Variants in NAALADL2 observed in about 807,000 individuals in gnomAD.
The protein encoded by NAALADL2 is inactive N-acetylated-alpha-linked acidic dipeptidase-like protein 2.
Under a neutral mutation model 87.2 loss-of-function variants are expected in NAALADL2, and 76 were observed. The ratio of observed to expected loss-of-function variants is 0.87; its 90% CI spans 0.72 to 1.05. The LOEUF (loss-of-function observed/expected upper bound fraction) is 1.05, where lower values mean the gene tolerates loss of function less well. Among genes scored for constraint, NAALADL2 ranks in the 50% least tolerant of loss-of-function variants. The pLI, the probability that NAALADL2 is intolerant of heterozygous loss-of-function variation, is 0.00. For missense variants in NAALADL2, 1,089 were observed against 945.8 expected, an observed-to-expected ratio of 1.15 and a Z score of -1.99; for synonymous variants, 354 against 331.0, an observed-to-expected ratio of 1.07 and a Z score of -0.75.
intron 3 of NAALADL2, among the ~76,000 whole-genome samples, chr3:174,807,306 TGAAAAA>T (rs1719619553): frequency 6.6e-6 from 1 of 150,578 alleles, no homozygotes; most frequent in Non-Finnish European, 1.5e-5. Context: ...CACAGTGAAG[TGAAAAA>T]AACACCGATA....
In NAALADL2 at chr3:175,025,945, G is replaced by A. The variant is rs142668978; in HGVS notation, c.44-70845G>A. Among the ~76,000 whole-genome samples the A allele has an allele frequency of 6.4e-3, 967 of 152,164 alleles. 10 individuals are homozygous for A. Among genetic ancestry groups the A allele is most frequent in the African/African-American group, 0.022 (919 of 41,516 alleles). ...CCACCTCAGCCTCCCTAGTAGGTGG[G>A]ACTGTAGGTGCATACCACTATACCC... On this transcript the variant is annotated intron_variant, in intron 1 of 13. Transcript: ENST00000454872.
At chr3:175,309,448 A>T (rs2110289027) in intron 4 of NAALADL2, among the ~76,000 whole-genome samples, 1 of 152,264 alleles carries the variant, frequency 6.6e-6, no homozygotes, top group Non-Finnish European at 1.5e-5. Flanking sequence ...GGCCTACCAA[A>T]GTTCTGGGAT....
chr3:175,326,033 AT>A (rs1320171685), intron 5 of NAALADL2, among the ~76,000 whole-genome samples: 2 of 152,150 alleles, frequency 1.3e-5, no homozygotes, highest in Non-Finnish European at 2.9e-5. Flanking sequence ...ATTTTAAAAC[AT>A]TTTTCACTTC....
At chr3:175,319,665 C>T (rs1187508724) in intron 4 of NAALADL2, among the ~76,000 whole-genome samples, 1 of 151,974 alleles carries the variant, frequency 6.6e-6, no homozygotes, top group East Asian at 1.9e-4. Flanking sequence ...ACTAAAAATA[C>T]AAAAATTAGC....
intron 13 of NAALADL2, among the ~76,000 whole-genome samples, chr3:175,798,858 CATCTT>C (rs150560807): frequency 0.01 from 1,544 of 152,070 alleles, 23 homozygotes; most frequent in African/African-American, 0.035. Context: ...TTATTAATAA[CATCTT>C]ATCATTAAAT....
chr3:175,325,143 A>T (rs1043159230), intron 5 of NAALADL2, among the ~76,000 whole-genome samples: 13 of 151,834 alleles, frequency 8.6e-5, no homozygotes, highest in African/African-American at 2.7e-4. Context: ...GTTCTGCCAA[A>T]TTTTTTTTGT....
At chr3:174,454,704 T>C (rs1477639744) in intron 1 of NAALADL2, among the ~76,000 whole-genome samples, 2 of 152,050 alleles carry the variant, frequency 1.3e-5, no homozygotes, top group East Asian at 3.9e-4. Context: ...CAAAGATACA[T>C]ACCAAAATCT....
intron 5 of NAALADL2, among the ~76,000 whole-genome samples, chr3:175,396,878 AT>A (rs1446495762): frequency 2.0e-5 from 3 of 152,008 alleles, no homozygotes; most frequent in Non-Finnish European, 4.4e-5. Context: ...TTCTGCCATT[AT>A]TATAAGTTTC....
In NAALADL2 at chr3:175,804,516, A is replaced by C. The variant is rs889692860; in HGVS notation, c.*1313A>C. On this transcript the variant is annotated 3_prime_UTR_variant, in exon 14 of 14. Coordinates refer to ENST00000454872, the MANE Select transcript of NAALADL2 (RefSeq NM_207015.3). ...GTTAAAGTTCTAATTTATCTTTAGA[A>C]ATTTATGTGAAAAATGGTTTTCCTA... 1.3e-5 allele frequency: 2 copies of C among 151,808 alleles called. No homozygotes were observed. Among genetic ancestry groups the C allele is most frequent in the Admixed American group, 1.3e-4 (2 of 15,188 alleles). The allele number at this position is 151,808 out of a possible 1,614,324, so 9.4% of individuals were successfully genotyped here.
At chr3:174,626,127 TATCA>T (rs762079528) in intron 2 of NAALADL2, among the ~76,000 whole-genome samples, 23 of 150,938 alleles carry the variant, frequency 1.5e-4, no homozygotes, top group Non-Finnish European at 2.4e-4. Context: ...CCAAAATGGG[TATCA>T]TGCACTGCAT....
At chr3:174,966,702 C>T (rs1742929036) in intron 1 of NAALADL2, among the ~76,000 whole-genome samples, 1 of 152,106 alleles carries the variant, frequency 6.6e-6, no homozygotes, top group African/African-American at 2.4e-5. Context: ...ACCCAAGTAA[C>T]ATACATTTGT....
intron 1 of NAALADL2, among the ~76,000 whole-genome samples, chr3:174,990,964 G>A (rs1746654592): frequency 6.6e-6 from 1 of 152,050 alleles, no homozygotes; most frequent in South Asian, 2.1e-4. Context: ...CCTGTTCACT[G>A]TCAAAAATTC....
chr3:175,741,658 A>G (rs1745254350), intron 12 of NAALADL2, among the ~76,000 whole-genome samples: 1 of 152,160 alleles, frequency 6.6e-6, no homozygotes, highest in Admixed American at 6.5e-5. Context: ...TTAAGAACCC[A>G]GAAGAGATAC....
chr3:175,472,414 C>T (rs1725042759), intron 9 of NAALADL2, among the ~76,000 whole-genome samples: 2 of 152,072 alleles, frequency 1.3e-5, no homozygotes, highest in South Asian at 4.1e-4. Context: ...TTTCTGCATT[C>T]TTATTATGAA....
intron 1 of NAALADL2, among the ~76,000 whole-genome samples, chr3:174,869,195 G>A (rs183624714): frequency 1.8e-4 from 27 of 152,218 alleles, no homozygotes; most frequent in Admixed American, 8.5e-4. Flanking sequence ...CACTGGGAAT[G>A]AGGTGAAAAA....
chr3:175,003,529 A>T (rs1377105827), intron 1 of NAALADL2, among the ~76,000 whole-genome samples: 1 of 152,324 alleles, frequency 6.6e-6, no homozygotes, highest in East Asian at 1.9e-4. Context: ...TGTATAATAC[A>T]TGCCACGTAC....
At chr3:174,906,766 A>C (rs1733024384) in intron 1 of NAALADL2, among the ~76,000 whole-genome samples, 4 of 152,152 alleles carry the variant, frequency 2.6e-5, no homozygotes, top group African/African-American at 9.7e-5. Flanking sequence ...TAACCAACAG[A>C]AAATGTGAAA....
chr3:175,603,086 C>T (rs1484478647), intron 10 of NAALADL2, among the ~76,000 whole-genome samples: 1 of 152,144 alleles, frequency 6.6e-6, no homozygotes, highest in African/African-American at 2.4e-5. Context: ...GTAGCAGCTT[C>T]AGTAACTTTA....
At chr3:174,613,828 A>G (rs893642555) in intron 2 of NAALADL2, among the ~76,000 whole-genome samples, 3 of 152,216 alleles carry the variant, frequency 2.0e-5, no homozygotes, top group Non-Finnish European at 4.4e-5. Context: ...TACTTACCCA[A>G]GACCCACATC....
Sources: allele counts gnomAD v4.1 joint callset (sites outside exome capture counted in the v4.1 genomes callset), GRCh38; gene constraint gnomAD v4.1.1; transcripts MANE v1.5; gene names NCBI Gene and HGNC (gene_info 2026-07-23, HGNC 2026-07-21).